The following NOVA1 variants were observed in gnomAD, a reference collection of about 807,000 sequenced individuals.
NOVA1 encodes NOVA alternative splicing regulator 1.
A neutral mutation model predicts 38.0 loss-of-function variants in NOVA1; 7 were observed. That is an observed-to-expected ratio of 0.18 (90% CI 0.10 to 0.35). The LOEUF is 0.35. Ranked by LOEUF, NOVA1 falls within the 10% of genes least tolerant of loss-of-function variation. The probability of loss-of-function intolerance (pLI) is 1.00; values close to 1 mark genes in which losing one functional copy is unlikely to be tolerated. For missense variants in NOVA1, 460 were observed against 616.0 expected (o/e 0.75, Z 2.68); for synonymous variants, 270 against 232.5 (o/e 1.16, Z -1.47).
In NOVA1 at chr14:26,448,003, A is replaced by G. The variant is rs1566424827; in HGVS notation, c.1480T>C (p.Tyr494His). The change falls in exon 5 of 5, where the codon TAT (tyrosine) becomes CAT (histidine). Residue 494 changes from tyrosine (Y) to histidine (H), a missense_variant. By Grantham distance (83) the Tyr-to-His change is moderately conservative. Transcript: ENST00000539517. This position sits in a 1 kb window ranked among gnomAD's most constrained non-coding sequence, Gnocchi z 5.3. Reference sequence around the variant, plus strand: ...TTGGCAGCCCGAACTCCTTGCTCATATGTGATCCTTTGTGTAATTAAATAT... The same window carrying G: ...TTGGCAGCCCGAACTCCTTGCTCATGTGTGATCCTTTGTGTAATTAAATAT... ...AQYLITQRIT[Y>H]EQGVRAANPQ... 1.2e-6 allele frequency: 2 copies of G among 1,614,186 alleles called. No individual in the cohort carries two copies. The highest frequency in any genetic ancestry group is 8.5e-7 in the Non-Finnish European group (1 of 1,180,024).
intron 4 of NOVA1, among the ~76,000 whole-genome samples, chr14:26,457,262 C>T (rs1483095929): frequency 1.3e-5 from 2 of 151,892 alleles, no homozygotes; most frequent in African/African-American, 2.4e-5. Context: ...CTACTACGTG[C>T]CAGGTATAAT....
intron 2 of NOVA1, among the ~76,000 whole-genome samples, chr14:26,551,115 T>C (rs1203025966): frequency 2.0e-5 from 3 of 151,960 alleles, no homozygotes; most frequent in Non-Finnish European, 4.4e-5. Flanking sequence ...AAATGGGCCA[T>C]AAGATTTTGT....
rs147549408 is a variant in NOVA1, at chr14:26,450,138, C to T, written c.520-1175G>A. On this transcript the variant is annotated intron_variant, in intron 4 of 4. Coordinates refer to ENST00000539517, the MANE Select transcript of NOVA1 (RefSeq NM_002515.3). ...TGTTCCAGACATTAAAATGGGCAGG[C>T]TAAAAAAAGTGCTAAAATTTGAGCA... is the stretch of plus-strand genomic sequence containing the variant. Among the ~76,000 whole-genome samples, 226 of 152,038 alleles carry T rather than the reference C, an allele frequency of 1.5e-3. 1 individual carries two copies. The highest frequency in any genetic ancestry group is 4.6e-3 in the African/African-American group (189 of 41,488).
intron 2 of NOVA1, among the ~76,000 whole-genome samples, chr14:26,551,404 T>A (rs1891151951): frequency 6.6e-6 from 1 of 152,104 alleles, no homozygotes; most frequent in African/African-American, 2.4e-5. Flanking sequence ...AACTTTGGGA[T>A]TCCACCTTTG....
chr14:26,480,214 T>C (rs568665542), intron 2 of NOVA1, 71 bp from the exon 3 acceptor site: 8 of 1,354,212 alleles, frequency 5.9e-6, no homozygotes, highest in East Asian at 2.4e-5. Context: ...AAAAGGATGA[T>C]ATCATAACGC....
At chr14:26,597,252 G>C in intron 1 of NOVA1, 49 bp downstream of exon 1, 1 of 1,217,398 alleles carries the variant, frequency 8.2e-7, no homozygotes, top group Non-Finnish European at 1.0e-6. Context: ...GGGAGGCAGG[G>C]GCGGGCGGCG....
intron 2 of NOVA1, among the ~76,000 whole-genome samples, chr14:26,506,143 C>T (rs991673975): frequency 6.6e-6 from 1 of 152,162 alleles, no homozygotes; most frequent in South Asian, 2.1e-4. Context: ...TCTAATAATG[C>T]AATGTTACTT....
intron 4 of NOVA1, among the ~76,000 whole-genome samples, chr14:26,471,461 C>A (rs554200977): frequency 6.4e-4 from 96 of 150,636 alleles, no homozygotes; most frequent in African/African-American, 2.1e-3. Context: ...TTAAAAAAAG[C>A]AAAAATATTA....
rs954050658 is a variant in NOVA1, at chr14:26,446,421, G to A, written c.*1538C>T. On this transcript the variant is annotated 3_prime_UTR_variant, in exon 5 of 5. Transcript: ENST00000539517. ...TGTTCTTTAATTGGTTGCACAGAAA[G>A]GAGCAGCTGGGATGCCATTTAGCTT... 9.2e-5 allele frequency: 14 copies of A among 152,676 alleles called. No individual in the cohort carries two copies. The highest frequency in any genetic ancestry group is 2.9e-4 in the African/African-American group (12 of 41,462). 9.5% of individuals were successfully genotyped at this position (152,676 alleles called of 1,614,324 possible). A position where few individuals can be genotyped will look rare whatever the true frequency, so the allele number is the denominator to read the frequency against.
intron 4 of NOVA1, among the ~76,000 whole-genome samples, chr14:26,467,954 T>G (rs1488913948): frequency 6.6e-6 from 1 of 152,188 alleles, no homozygotes; most frequent in Non-Finnish European, 1.5e-5. Context: ...CTCTACCCAC[T>G]GGTGTTACAA....
At chr14:26,517,404 T>C (rs886475146) in intron 2 of NOVA1, among the ~76,000 whole-genome samples, 6 of 152,226 alleles carry the variant, frequency 3.9e-5, no homozygotes, top group Non-Finnish European at 5.9e-5. Flanking sequence ...ATAATGCTAG[T>C]AATTGCTTGC....
chr14:26,458,342 G>A (rs1243086500), intron 4 of NOVA1, among the ~76,000 whole-genome samples: 1 of 151,970 alleles, frequency 6.6e-6, no homozygotes, highest in Non-Finnish European at 1.5e-5. Context: ...ATATACAAAG[G>A]AAAATAAATC....
chr14:26,592,908 A>G (rs1198382604), intron 2 of NOVA1: 2 of 151,716 alleles, frequency 1.3e-5, no homozygotes, highest in East Asian at 3.9e-4. Context: ...TTACAAACAC[A>G]ATTACATTCT....
At chr14:26,499,201 T>C (rs1170201747) in intron 2 of NOVA1, among the ~76,000 whole-genome samples, 1 of 152,192 alleles carries the variant, frequency 6.6e-6, no homozygotes, top group Non-Finnish European at 1.5e-5. Flanking sequence ...TGAGTAACTA[T>C]GAGAAATGAC....
At chr14:26,571,337 C>T (rs1404189542) in intron 2 of NOVA1, among the ~76,000 whole-genome samples, 1 of 152,070 alleles carries the variant, frequency 6.6e-6, no homozygotes, top group Non-Finnish European at 1.5e-5. Flanking sequence ...AGCATGATTC[C>T]TATATACTGA....
At chr14:26,571,832 A>C (rs1381429171) in intron 2 of NOVA1, among the ~76,000 whole-genome samples, 2 of 152,222 alleles carry the variant, frequency 1.3e-5, no homozygotes, top group African/African-American at 4.8e-5. Flanking sequence ...GTAAAAAGAA[A>C]GTTTTGCCCA....
intron 2 of NOVA1, among the ~76,000 whole-genome samples, chr14:26,528,918 G>A (rs1198758628): frequency 6.6e-6 from 1 of 152,122 alleles, no homozygotes; most frequent in Non-Finnish European, 1.5e-5. Flanking sequence ...AGGAAGCCCT[G>A]GAGTTCCTCC....
chr14:26,456,822 A>C (rs1251197155), intron 4 of NOVA1, among the ~76,000 whole-genome samples: 1 of 151,986 alleles, frequency 6.6e-6, no homozygotes, highest in African/African-American at 2.4e-5. Flanking sequence ...TAGTGTTTTA[A>C]GGTAAGTGTT....
chr14:26,579,948 T>TG (rs1315823334), intron 2 of NOVA1, among the ~76,000 whole-genome samples: 1 of 152,050 alleles, frequency 6.6e-6, no homozygotes, highest in Non-Finnish European at 1.5e-5. Context: ...TTTTTAGAGA[T>TG]GGGGTCTCAC....
Sources: allele counts gnomAD v4.1 joint callset (sites outside exome capture counted in the v4.1 genomes callset), GRCh38; gene constraint gnomAD v4.1.1; non-coding constraint Gnocchi (gnomAD v3.1); transcripts MANE v1.5; gene names NCBI Gene and HGNC (gene_info 2026-07-23, HGNC 2026-07-21).